NPAS3: variants seen among roughly 807,000 people sequenced by gnomAD.
The protein encoded by NPAS3 is neuronal PAS domain-containing protein 3.
In NPAS3, 14 loss-of-function variants were observed where a neutral mutation model predicts 73.1. The ratio of observed to expected loss-of-function variants is 0.19; its 90% CI spans 0.13 to 0.30. NPAS3 has a LOEUF of 0.30. NPAS3 is among the 10% of genes least tolerant of loss of function. The pLI is 1.00. For synonymous variants in NPAS3, 620 were observed against 541.5 expected (o/e 1.14, Z -2.01); for missense variants, 1,096 against 1,250.0 (o/e 0.88, Z 1.86).
chr14:32,994,948 T>C (rs2038505459), intron 1 of NPAS3, among the ~76,000 whole-genome samples: 1 of 152,188 alleles, frequency 6.6e-6, no homozygotes. Flanking sequence ...AGTATTTCTA[T>C]TTTAAATATT....
intron 4 of NPAS3, among the ~76,000 whole-genome samples, chr14:33,430,642 C>T (rs1292675465): frequency 6.6e-6 from 1 of 152,188 alleles, no homozygotes; most frequent in African/African-American, 2.4e-5. Context: ...GAGACATAAG[C>T]CAGGCAACAG....
intron 7 of NPAS3, among the ~76,000 whole-genome samples, chr14:33,769,179 G>A (rs536616973): frequency 6.6e-6 from 1 of 152,158 alleles, no homozygotes; most frequent in East Asian, 1.9e-4. Context: ...TTCTCCTTTG[G>A]CAATTCTATT....
chr14:32,985,400 G>A (rs1044768414), intron 1 of NPAS3, among the ~76,000 whole-genome samples: 1 of 152,100 alleles, frequency 6.6e-6, no homozygotes, highest in Admixed American at 6.5e-5. Flanking sequence ...ACAGGGAGGG[G>A]ACCTTTGGTT....
At chr14:33,429,320 T>A (rs2048685712) in intron 4 of NPAS3, among the ~76,000 whole-genome samples, 1 of 152,132 alleles carries the variant, frequency 6.6e-6, no homozygotes, top group African/African-American at 2.4e-5. Flanking sequence ...TATTGTCACT[T>A]AAATCCAGGA....
At chr14:33,009,306 T>G (rs1382769053) in intron 1 of NPAS3, among the ~76,000 whole-genome samples, 1 of 152,136 alleles carries the variant, frequency 6.6e-6, no homozygotes, top group African/African-American at 2.4e-5. Context: ...TCCAGTAGTA[T>G]GGAAAGCAGA....
intron 4 of NPAS3, among the ~76,000 whole-genome samples, chr14:33,391,485 G>A (rs577853344): frequency 3.9e-4 from 59 of 152,134 alleles, no homozygotes; most frequent in Admixed American, 9.2e-4. Flanking sequence ...GAGCCACTGC[G>A]CCCAGCTTGG....
chr14:33,754,212 C>T (rs981048986), intron 7 of NPAS3, among the ~76,000 whole-genome samples: 3 of 152,018 alleles, frequency 2.0e-5, no homozygotes, highest in African/African-American at 7.3e-5. Flanking sequence ...TATTAGAGGG[C>T]TTTTTTCCCT....
intron 4 of NPAS3, among the ~76,000 whole-genome samples, chr14:33,510,192 A>G (rs2052978078): frequency 6.6e-6 from 1 of 152,056 alleles, no homozygotes; most frequent in Non-Finnish European, 1.5e-5. Context: ...GGATACTGAA[A>G]TGAAGCACAG....
intron 4 of NPAS3, among the ~76,000 whole-genome samples, chr14:33,378,533 G>T (rs1308409794): frequency 6.6e-6 from 1 of 152,168 alleles, no homozygotes; most frequent in African/African-American, 2.4e-5. Flanking sequence ...CCACTCGGGA[G>T]GCTGAGGTAG....
At chr14:33,535,618 G>C (rs1198239813) in intron 4 of NPAS3, among the ~76,000 whole-genome samples, 1 of 152,082 alleles carries the variant, frequency 6.6e-6, no homozygotes, top group Non-Finnish European at 1.5e-5. Context: ...CAATTAACAT[G>C]TTCATCAGAA....
intron 1 of NPAS3, among the ~76,000 whole-genome samples, chr14:33,011,552 T>C (rs540562368): frequency 0.013 from 382 of 30,514 alleles, 3 homozygotes; most frequent in African/African-American, 0.022. Context: ...TAGAAATCAG[T>C]TTTTTTTTTT....
intron 1 of NPAS3, among the ~76,000 whole-genome samples, chr14:32,975,667 T>C (rs1213662444): frequency 1.3e-5 from 2 of 152,074 alleles, no homozygotes; most frequent in African/African-American, 4.8e-5. Context: ...CTTACATCAG[T>C]TTTGAATACA....
chr14:33,672,706 A>G (rs910514606), intron 5 of NPAS3, among the ~76,000 whole-genome samples: 24 of 152,088 alleles, frequency 1.6e-4, no homozygotes, highest in African/African-American at 4.8e-4. Context: ...AGAGAGAAAA[A>G]AAAAAAAAAA....
At chr14:33,559,699 C>T (rs928388422) in intron 4 of NPAS3, among the ~76,000 whole-genome samples, 5 of 152,152 alleles carry the variant, frequency 3.3e-5, no homozygotes, top group East Asian at 1.9e-4. Context: ...TTAGGACTTT[C>T]GTTAAACATG....
chr14:33,642,401 TAAG>T (rs1311825408), intron 5 of NPAS3, among the ~76,000 whole-genome samples: 1 of 152,206 alleles, frequency 6.6e-6, no homozygotes, highest in East Asian at 1.9e-4. Flanking sequence ...CTGATTTCAA[TAAG>T]AAGACAGAGA....
chr14:33,618,270 T>C (rs2057979147), intron 5 of NPAS3, among the ~76,000 whole-genome samples: 2 of 151,990 alleles, frequency 1.3e-5, no homozygotes, highest in East Asian at 3.8e-4. Flanking sequence ...TTTATTTCTA[T>C]TATTATTATA....
chr14:33,340,697 C>T (rs145619520), intron 3 of NPAS3, among the ~76,000 whole-genome samples: 295 of 152,262 alleles, frequency 1.9e-3, no homozygotes, highest in African/African-American at 6.4e-3. Flanking sequence ...CAGCCTTCCC[C>T]GATCAGCTCT....
At chr14:33,603,996 T>G (rs2140010405) in intron 5 of NPAS3, among the ~76,000 whole-genome samples, 1 of 151,638 alleles carries the variant, frequency 6.6e-6, no homozygotes, top group Admixed American at 6.6e-5. Flanking sequence ...ATTTATAATA[T>G]GAGCCCTAAA....
intron 7 of NPAS3, among the ~76,000 whole-genome samples, chr14:33,763,098 G>C (rs914197689): frequency 2.6e-5 from 4 of 152,200 alleles, no homozygotes; most frequent in Non-Finnish European, 5.9e-5. Context: ...CACCTGACCA[G>C]ACCTCAGTCT....
Sources: allele counts gnomAD v4.1 joint callset (sites outside exome capture counted in the v4.1 genomes callset), GRCh38; gene constraint gnomAD v4.1.1; transcripts MANE v1.5; gene names NCBI Gene and HGNC (gene_info 2026-07-23, HGNC 2026-07-21).